The following RORB variants were observed in gnomAD, a reference collection of about 807,000 sequenced individuals.
RORB encodes the protein RAR related orphan receptor B.
Under a neutral mutation model 59.1 loss-of-function variants are expected in RORB, and 6 were observed. The ratio of observed to expected loss-of-function variants is 0.10; its 90% CI spans 0.06 to 0.20. The LOEUF (loss-of-function observed/expected upper bound fraction) is 0.20. Among genes scored for constraint, RORB ranks in the 10% least tolerant of loss-of-function variants. The pLI, the probability that RORB is intolerant of heterozygous loss-of-function variation, is 1.00. For missense variants in RORB, 320 were observed against 560.5 expected, an observed-to-expected ratio of 0.57 and a Z score of 4.33; for synonymous variants, 215 against 204.5, an observed-to-expected ratio of 1.05 and a Z score of -0.44.
chr9:74,646,727 G>A (rs1823906506), intron 4 of RORB, among the ~76,000 whole-genome samples: 1 of 152,158 alleles, frequency 6.6e-6, no homozygotes, highest in African/African-American at 2.4e-5. Flanking sequence ...TAGACTGCCA[G>A]GCATTTTTCT....
At chr9:74,571,746 C>A (rs1822555500) in intron 1 of RORB, among the ~76,000 whole-genome samples, 1 of 152,100 alleles carries the variant, frequency 6.6e-6, no homozygotes, top group African/African-American at 2.4e-5. Context: ...TGTCATGCTC[C>A]TATAGTTTGA....
chr9:74,588,297 T>C (rs541283296), intron 1 of RORB, among the ~76,000 whole-genome samples: 2 of 152,170 alleles, frequency 1.3e-5, no homozygotes, highest in Non-Finnish European at 2.9e-5. Context: ...GACTCTAATA[T>C]TCTTTAACTA....
chr9:74,611,928 G>T (rs1189346662), intron 1 of RORB, among the ~76,000 whole-genome samples: 1 of 152,084 alleles, frequency 6.6e-6, no homozygotes, highest in African/African-American at 2.4e-5. Flanking sequence ...GGGATTACAG[G>T]CATGAGCCAC....
At chr9:74,684,955 C>T (rs545654249) in intron 9 of RORB, among the ~76,000 whole-genome samples, 11 of 152,316 alleles carry the variant, frequency 7.2e-5, no homozygotes, top group African/African-American at 2.6e-4. Flanking sequence ...TGGGTAATAA[C>T]AGTGTTCACT....
intron 4 of RORB, 27 bp from the exon 5 acceptor site, chr9:74,660,590 C>A: frequency 6.3e-7 from 1 of 1,594,540 alleles, no homozygotes; most frequent in South Asian, 1.1e-5. Context: ...TATTCACAAA[C>A]CTTTGAATTG....
At chr9:74,500,458 C>T (rs749265313) in intron 1 of RORB, among the ~76,000 whole-genome samples, 88 of 152,080 alleles carry the variant, frequency 5.8e-4, no homozygotes, top group Non-Finnish European at 1.1e-3. Flanking sequence ...AGCTTTCGCT[C>T]GTGCAGGGCT....
chr9:74,564,138 C>T (rs1445728003), intron 1 of RORB, among the ~76,000 whole-genome samples: 2 of 152,152 alleles, frequency 1.3e-5, no homozygotes, highest in Admixed American at 6.5e-5. Context: ...AACCTGGTCT[C>T]GGTTGCTGGT....
chr9:74,581,528 C>A (rs573944431), intron 1 of RORB, among the ~76,000 whole-genome samples: 1 of 152,192 alleles, frequency 6.6e-6, no homozygotes, highest in African/African-American at 2.4e-5. Flanking sequence ...CACAACCTCA[C>A]CACACTTTTG....
At chr9:74,513,311 C>A (rs1477439559) in intron 1 of RORB, among the ~76,000 whole-genome samples, 2 of 151,902 alleles carry the variant, frequency 1.3e-5, no homozygotes, top group Admixed American at 1.3e-4. Context: ...AAGAAAAAAA[C>A]CTCGCTCTGG....
intron 1 of RORB, among the ~76,000 whole-genome samples, chr9:74,595,457 T>C: frequency 6.6e-6 from 1 of 152,238 alleles, no homozygotes; most frequent in East Asian, 1.9e-4. Flanking sequence ...TTTTACACTG[T>C]GCTAACTTAA....
intron 1 of RORB, among the ~76,000 whole-genome samples, chr9:74,593,617 A>G (rs1233287571): frequency 1.3e-5 from 2 of 152,170 alleles, no homozygotes; most frequent in African/African-American, 2.4e-5. Context: ...ATTTTATTCT[A>G]CATTACACAT....
intron 1 of RORB, among the ~76,000 whole-genome samples, chr9:74,547,119 T>C (rs1379328716): frequency 6.6e-6 from 1 of 152,110 alleles, no homozygotes; most frequent in Non-Finnish European, 1.5e-5. Context: ...TGGATTGTTT[T>C]GGTTTTTTTT....
At chr9:74,617,394 C>T (rs1469615075) in intron 1 of RORB, among the ~76,000 whole-genome samples, 1 of 152,134 alleles carries the variant, frequency 6.6e-6, no homozygotes, top group East Asian at 1.9e-4. Flanking sequence ...GGCAATTATA[C>T]AGAGTGATGT....
intron 1 of RORB, among the ~76,000 whole-genome samples, chr9:74,581,392 G>A (rs1445006165): frequency 6.6e-6 from 1 of 152,120 alleles, no homozygotes; most frequent in Non-Finnish European, 1.5e-5. Context: ...GGGGGAAAAT[G>A]GGGAAGAGAT....
intron 1 of RORB, among the ~76,000 whole-genome samples, chr9:74,612,742 C>T (rs921819908): frequency 6.6e-6 from 1 of 152,148 alleles, no homozygotes; most frequent in Non-Finnish European, 1.5e-5. Flanking sequence ...TTCATTTACT[C>T]AGGTTAATAT....
chr9:74,626,272 A>G (rs1157582750), intron 1 of RORB, among the ~76,000 whole-genome samples: 1 of 152,220 alleles, frequency 6.6e-6, no homozygotes, highest in African/African-American at 2.4e-5. Context: ...ATTGTACTTC[A>G]TCATTTGTTC....
chr9:74,649,230 C>A (rs1823952142), intron 4 of RORB, among the ~76,000 whole-genome samples: 1 of 152,128 alleles, frequency 6.6e-6, no homozygotes. Context: ...ATATTACAGG[C>A]ATGAGCCACC....
intron 1 of RORB, among the ~76,000 whole-genome samples, chr9:74,616,737 T>A (rs1823318307): frequency 6.6e-6 from 1 of 152,190 alleles, no homozygotes; most frequent in Non-Finnish European, 1.5e-5. Context: ...GAAATGTTTC[T>A]TTCTCCTCTG....
intron 1 of RORB, among the ~76,000 whole-genome samples, chr9:74,532,841 C>CATATATATGTGT (rs1554664997): frequency 1.0e-4 from 14 of 134,212 alleles, no homozygotes; most frequent in African/African-American, 3.6e-4. Flanking sequence ...TATATATACA[C>CATATATATGTGT]ATATATATAC....
Sources: gnomAD v4.1 joint callset for allele counts (sites outside exome capture counted in the v4.1 genomes callset) on GRCh38, gnomAD v4.1.1 for gene constraint, MANE v1.5 for transcripts, NCBI Gene and HGNC (gene_info 2026-07-23, HGNC 2026-07-21) for gene names.